The following ZPBP variants were observed in gnomAD, a reference collection of about 807,000 sequenced individuals.
The protein encoded by ZPBP is zona pellucida-binding protein 1.
In ZPBP, 26 loss-of-function variants were observed where a neutral mutation model predicts 44.8. The ratio of observed to expected loss-of-function variants is 0.58; its 90% CI spans 0.43 to 0.81. The LOEUF (loss-of-function observed/expected upper bound fraction) is 0.81, where lower values mean the gene tolerates loss of function less well. Ranked by LOEUF, ZPBP falls within the 30% of genes least tolerant of loss-of-function variation. ZPBP has a pLI of 0.00. For synonymous variants in ZPBP, 174 were observed against 153.2 expected (o/e 1.14, Z -1.00); for missense variants, 409 against 434.0 (o/e 0.94, Z 0.51).
intron 3 of ZPBP, among the ~76,000 whole-genome samples, chr7:50,081,560 C>T (rs1802354527): frequency 6.6e-6 from 1 of 151,578 alleles, no homozygotes; most frequent in African/African-American, 2.4e-5. Flanking sequence ...GAGAACCCCC[C>T]AAACAGTTCA....
chr7:50,015,520 TC>T (rs750277873), intron 6 of ZPBP, among the ~76,000 whole-genome samples: 1 of 151,976 alleles, frequency 6.6e-6, no homozygotes, highest in Non-Finnish European at 1.5e-5. Context: ...TGATGAAGTC[TC>T]CAAATGCAAT....
At chr7:49,984,094 T>C (rs1001848200) in intron 6 of ZPBP, among the ~76,000 whole-genome samples, 1 of 152,182 alleles carries the variant, frequency 6.6e-6, no homozygotes. Context: ...CTAAGATCTA[T>C]GCATTCAAGT....
intron 6 of ZPBP, among the ~76,000 whole-genome samples, chr7:49,999,942 G>A (rs1798022925): frequency 6.6e-6 from 1 of 152,086 alleles, no homozygotes; most frequent in African/African-American, 2.4e-5. Flanking sequence ...AAATTTTGAA[G>A]CAAAAATTAT....
In ZPBP at chr7:50,038,344, G is replaced by A. The variant is rs115248222; in HGVS notation, c.488-7034C>T. On this transcript the variant is annotated intron_variant, in intron 4 of 7. Coordinates refer to ENST00000046087, the MANE Select transcript of ZPBP (RefSeq NM_007009.3). Reference sequence around the variant, plus strand: ...AGAACAGATTCATAGATTCACTGGCGTTATAAGCTAAACTACAAGTTGGCC... The same window carrying A: ...AGAACAGATTCATAGATTCACTGGCATTATAAGCTAAACTACAAGTTGGCC... 7.8e-3 allele frequency among the ~76,000 whole-genome samples: 1,186 copies of A among 152,320 alleles called. 24 individuals are homozygous for A. The highest frequency in any genetic ancestry group is 0.027 in the African/African-American group (1,124 of 41,550).
At chr7:50,005,254 C>A (rs1375630156) in intron 6 of ZPBP, among the ~76,000 whole-genome samples, 1 of 151,900 alleles carries the variant, frequency 6.6e-6, no homozygotes. Flanking sequence ...TTAATTACCA[C>A]CAGCAGAGTG....
At chr7:49,901,241 A>C (rs757151116) in intron 1 of ZPBP, 5 of 151,954 alleles carry the variant, frequency 3.3e-5, no homozygotes, top group African/African-American at 4.8e-5. Context: ...AAAAAGAAAT[A>C]AAATGTATAC....
At chr7:49,962,996 TA>T (rs1434075573) in intron 7 of ZPBP, among the ~76,000 whole-genome samples, 3 of 150,030 alleles carry the variant, frequency 2.0e-5, no homozygotes, top group South Asian at 4.2e-4. Context: ...CCAAAATATA[TA>T]AAAAATCTTA....
chr7:49,961,975 T>C (rs1713989833), intron 7 of ZPBP, among the ~76,000 whole-genome samples: 1 of 152,064 alleles, frequency 6.6e-6, no homozygotes, highest in Admixed American at 6.6e-5. Flanking sequence ...AAAGATTTCA[T>C]TTCCAAAGAG....
chr7:50,088,162 G>T (rs1346301560), intron 2 of ZPBP, among the ~76,000 whole-genome samples: 1 of 152,072 alleles, frequency 6.6e-6, no homozygotes, highest in South Asian at 2.1e-4. Flanking sequence ...CGAGTGCCAA[G>T]CCAATTGCAA....
At chr7:50,072,037 T>C (rs1490799319) in intron 3 of ZPBP, among the ~76,000 whole-genome samples, 1 of 152,180 alleles carries the variant, frequency 6.6e-6, no homozygotes, top group Admixed American at 6.5e-5. Flanking sequence ...ACTACCAGCA[T>C]GGACACAGAC....
intron 5 of ZPBP, among the ~76,000 whole-genome samples, chr7:50,018,861 C>T (rs1798947034): frequency 6.6e-6 from 1 of 151,824 alleles, no homozygotes; most frequent in South Asian, 2.1e-4. Flanking sequence ...TGCCAGGAGC[C>T]TACTGTGTGC....
At chr7:49,937,674 T>C in intron 7 of ZPBP, 52 bp from the exon 8 acceptor site, 1 of 1,400,432 alleles carries the variant, frequency 7.1e-7, no homozygotes, top group Non-Finnish European at 1.0e-6. Context: ...ACACATAATA[T>C]AAAATTTCCA....
At chr7:49,948,848 C>G (rs1795212412) in intron 7 of ZPBP, among the ~76,000 whole-genome samples, 1 of 152,110 alleles carries the variant, frequency 6.6e-6, no homozygotes. Flanking sequence ...CCATATGAAT[C>G]AGCAATCCCA....
intron 7 of ZPBP, chr7:49,943,439 A>C: frequency 2.3e-6 from 1 of 433,126 alleles, no homozygotes; most frequent in Non-Finnish European, 4.5e-6. Context: ...ACTTTCTTGG[A>C]ACACTATGTT....
chr7:49,898,367 TTTA>T (rs1434500474), intron 2 of ZPBP, among the ~76,000 whole-genome samples: 4 of 152,088 alleles, frequency 2.6e-5, no homozygotes, highest in Non-Finnish European at 5.9e-5. Context: ...TACTTCTTTC[TTTA>T]TTTAGATATG....
intron 4 of ZPBP, among the ~76,000 whole-genome samples, chr7:50,043,414 G>T (rs1028238997): frequency 2.0e-5 from 3 of 152,142 alleles, no homozygotes; most frequent in African/African-American, 7.2e-5. Context: ...CCATTGGTGT[G>T]CTGTATTCAG....
chr7:49,986,528 C>A (rs575528241), intron 6 of ZPBP, among the ~76,000 whole-genome samples: 1 of 152,284 alleles, frequency 6.6e-6, no homozygotes, highest in East Asian at 1.9e-4. Context: ...CTGTTCCAGC[C>A]CCAGGGAAGA....
At position 49,980,759 on chromosome 7, in the gene ZPBP, C is replaced by T. The variant is rs183504806; in HGVS notation, c.961+2583G>A. Among the ~76,000 whole-genome samples the T allele has an allele frequency of 1.5e-3, 231 of 152,188 alleles. 3 individuals carry two copies. Among genetic ancestry groups the T allele is most frequent in the African/African-American group, 5.3e-3 (220 of 41,526 alleles). On this transcript the variant is annotated intron_variant, in intron 7 of 7. Transcript: ENST00000046087. Reference sequence around the variant, plus strand: ...CCCACGACCCGAACCTCTCCCACTACGCCTTACATCCCAACATTGCCACAC... The same window carrying T: ...CCCACGACCCGAACCTCTCCCACTATGCCTTACATCCCAACATTGCCACAC...
intron 2 of ZPBP, among the ~76,000 whole-genome samples, chr7:49,866,951 C>G (rs1359434297): frequency 1.3e-5 from 2 of 152,234 alleles, no homozygotes; most frequent in Non-Finnish European, 2.9e-5. Flanking sequence ...GACCCAGAAG[C>G]CCACCTGTGT....
Sources: gnomAD v4.1 joint callset for allele counts (sites outside exome capture counted in the v4.1 genomes callset) on GRCh38, gnomAD v4.1.1 for gene constraint, MANE v1.5 for transcripts, NCBI Gene and HGNC (gene_info 2026-07-23, HGNC 2026-07-21) for gene names.